The following TRDN variants were observed in gnomAD, a reference collection of about 807,000 sequenced individuals.
TRDN encodes triadin in skeletal muscle.
In TRDN, 161 loss-of-function variants were observed where a neutral mutation model predicts 149.7. The observed-to-expected ratio is 1.08, with a 90% CI of 0.95 to 1.23. TRDN has a LOEUF of 1.23. Among genes scored for constraint, TRDN ranks in the 50% most tolerant of loss-of-function variants. The pLI, the probability that TRDN is intolerant of heterozygous loss-of-function variation, is 0.00. For missense variants in TRDN, 896 were observed against 823.5 expected, an observed-to-expected ratio of 1.09 and a Z score of -1.08; for synonymous variants, 294 against 250.5, an observed-to-expected ratio of 1.17 and a Z score of -1.64.
chr6:123,433,921 TATAATC>T (rs1774447202), intron 12 of TRDN: 1 of 152,208 alleles, frequency 6.6e-6, no homozygotes, highest in African/African-American at 2.4e-5. Context: ...GTTCAAATAT[TATAATC>T]TAATCAAGTA....
intron 12 of TRDN, among the ~76,000 whole-genome samples, chr6:123,402,605 C>T (rs926620280): frequency 7.9e-5 from 12 of 152,196 alleles, no homozygotes; most frequent in Middle Eastern, 3.4e-3. Context: ...GTACATTGAG[C>T]GCTACTGCAT....
In TRDN at chr6:123,493,493, G is replaced by A. The variant is rs368225283; in HGVS notation, c.853+3700C>T. Reference sequence around the variant, plus strand: ...ATAAAAGGCAAAACTTGGGACTTATGTCATAGTGTCAGCACATTTCATCAG... The same window carrying A: ...ATAAAAGGCAAAACTTGGGACTTATATCATAGTGTCAGCACATTTCATCAG... On this transcript the variant is annotated intron_variant, in intron 9 of 40. Transcript: ENST00000334268. Among the ~76,000 whole-genome samples the A allele has an allele frequency of 6.6e-5, 10 of 152,242 alleles. No individual in the cohort carries two copies. The East Asian group carries it at 1.9e-3, about 29-fold the overall frequency.
At chr6:123,367,440 C>A (rs1485011188) in intron 19 of TRDN, among the ~76,000 whole-genome samples, 2 of 152,112 alleles carry the variant, frequency 1.3e-5, no homozygotes, top group Non-Finnish European at 1.5e-5. Flanking sequence ...GCCACAAAAC[C>A]CGGCTTTTGA....
chr6:123,572,218 T>C (rs1441862764), intron 1 of TRDN, among the ~76,000 whole-genome samples: 1 of 152,148 alleles, frequency 6.6e-6, no homozygotes, highest in Admixed American at 6.6e-5. Flanking sequence ...CCTTGGTATT[T>C]CTTTTCTTGT....
chr6:123,324,706 G>A (rs896364830), intron 23 of TRDN, among the ~76,000 whole-genome samples: 2 of 152,250 alleles, frequency 1.3e-5, no homozygotes, highest in East Asian at 1.9e-4. Flanking sequence ...ACATGTTGCT[G>A]TATATTAACA....
chr6:123,272,106 T>A (rs919813885), intron 29 of TRDN, among the ~76,000 whole-genome samples: 1 of 151,928 alleles, frequency 6.6e-6, no homozygotes, highest in South Asian at 2.1e-4. Context: ...TGTATCACAG[T>A]TTTTTTAAAA....
chr6:123,635,578 T>C (rs1264868145), intron 1 of TRDN, among the ~76,000 whole-genome samples: 1 of 151,982 alleles, frequency 6.6e-6, no homozygotes, highest in Non-Finnish European at 1.5e-5. Flanking sequence ...TCAGACTGAA[T>C]TTCTCAGTGC....
At chr6:123,406,310 T>A (rs75598683) in intron 12 of TRDN, among the ~76,000 whole-genome samples, 2,350 of 152,240 alleles carry the variant, frequency 0.015, 52 homozygotes, top group East Asian at 0.077. Flanking sequence ...ATTATTTGAA[T>A]AAAAAGTTAA....
chr6:123,611,935 G>A (rs1281183961), intron 1 of TRDN, among the ~76,000 whole-genome samples: 1 of 151,956 alleles, frequency 6.6e-6, no homozygotes, highest in Non-Finnish European at 1.5e-5. Flanking sequence ...AAGTTAATAT[G>A]ACTAAAAGTC....
intron 20 of TRDN, among the ~76,000 whole-genome samples, chr6:123,356,503 T>TTA (rs71021444): frequency 0.027 from 2,823 of 105,612 alleles, 50 homozygotes; most frequent in Non-Finnish European, 0.034. Flanking sequence ...TACAAGAAGT[T>TTA]TATATATATA....
chr6:123,409,010 A>G (rs1245093389), intron 12 of TRDN, among the ~76,000 whole-genome samples: 1 of 152,204 alleles, frequency 6.6e-6, no homozygotes, highest in African/African-American at 2.4e-5. Flanking sequence ...TGCAGTAGAG[A>G]AACCAATCTA....
chr6:123,551,515 A>G (rs1781391470), intron 2 of TRDN, among the ~76,000 whole-genome samples: 1 of 151,982 alleles, frequency 6.6e-6, no homozygotes, highest in African/African-American at 2.4e-5. Flanking sequence ...TTTTAAGAAG[A>G]TACTTAGGTA....
chr6:123,222,656 C>T (rs1466323107), intron 39 of TRDN, among the ~76,000 whole-genome samples: 3 of 151,656 alleles, frequency 2.0e-5, no homozygotes, highest in African/African-American at 7.3e-5. Flanking sequence ...ACTTCGTTGG[C>T]TAGAACAATG....
intron 1 of TRDN, among the ~76,000 whole-genome samples, chr6:123,607,090 A>C (rs888515137): frequency 6.6e-6 from 1 of 152,236 alleles, no homozygotes; most frequent in Non-Finnish European, 1.5e-5. Flanking sequence ...AGACACAGTC[A>C]CAAGTGGTTC....
chr6:123,278,257 A>T, intron 26 of TRDN, 61 bp downstream of exon 26: 3 of 1,118,350 alleles, frequency 2.7e-6, no homozygotes, highest in South Asian at 1.6e-5. Flanking sequence ...TTGCAAAGAG[A>T]TATTGTGCTA....
chr6:123,345,513 A>G (rs1216513689), intron 21 of TRDN, among the ~76,000 whole-genome samples: 1 of 151,856 alleles, frequency 6.6e-6, no homozygotes, highest in African/African-American at 2.4e-5. Context: ...CTTAATTCTC[A>G]TTTTCCAGTG....
intron 40 of TRDN, 103 bp downstream of exon 40, chr6:123,221,384 T>G: frequency 1.4e-6 from 1 of 692,674 alleles, no homozygotes. Context: ...GCTAAAAAAT[T>G]TTTTCTTCGA....
chr6:123,385,390 C>T (rs1283542459), intron 14 of TRDN, among the ~76,000 whole-genome samples: 2 of 148,494 alleles, frequency 1.3e-5, no homozygotes, highest in Non-Finnish European at 3.0e-5. Context: ...ATTGTGCCCA[C>T]TCCAGCCTGG....
intron 9 of TRDN, among the ~76,000 whole-genome samples, chr6:123,480,837 C>T (rs1457531747): frequency 2.0e-5 from 3 of 152,010 alleles, no homozygotes; most frequent in Admixed American, 6.6e-5. Context: ...ATAATGCCTC[C>T]TATCTCCTAT....
Sources: gnomAD v4.1 joint callset for allele counts (sites outside exome capture counted in the v4.1 genomes callset) on GRCh38, gnomAD v4.1.1 for gene constraint, MANE v1.5 for transcripts, NCBI Gene and HGNC (gene_info 2026-07-23, HGNC 2026-07-21) for gene names.